Variants in SLIT3 observed in about 807,000 individuals in gnomAD.
SLIT3 encodes the protein slit homolog 3 protein.
A neutral mutation model predicts 184.0 loss-of-function variants in SLIT3; 68 were observed. That is an observed-to-expected ratio of 0.37 (90% CI 0.30 to 0.45). The LOEUF is 0.45. SLIT3 is among the 20% of genes least tolerant of loss of function. The pLI is 1.00. For synonymous variants in SLIT3, 831 were observed against 828.6 expected (o/e 1.00, Z -0.05); for missense variants, 1,707 against 2,026.0 (o/e 0.84, Z 3.02).
At chr5:169,108,294 C>T (rs1760291530) in intron 4 of SLIT3, among the ~76,000 whole-genome samples, 1 of 152,202 alleles carries the variant, frequency 6.6e-6, no homozygotes, top group Non-Finnish European at 1.5e-5. Context: ...AGTCCTGGCC[C>T]TGACATTTGG....
At chr5:168,826,134 G>A (rs539580837) in intron 6 of SLIT3, among the ~76,000 whole-genome samples, 1 of 152,308 alleles carries the variant, frequency 6.6e-6, no homozygotes, top group South Asian at 2.1e-4. Context: ...AACTGCATCC[G>A]GCAGTAGTCC....
chr5:169,064,284 T>C (rs1758274545), intron 4 of SLIT3, among the ~76,000 whole-genome samples: 1 of 152,234 alleles, frequency 6.6e-6, no homozygotes, highest in East Asian at 1.9e-4. Flanking sequence ...TGAAGTATTC[T>C]TGGCTCCGAG....
At chr5:169,246,528 A>G (rs1017188729) in intron 2 of SLIT3, among the ~76,000 whole-genome samples, 7 of 152,234 alleles carry the variant, frequency 4.6e-5, no homozygotes, top group African/African-American at 1.4e-4. Context: ...CTTCATTTGT[A>G]AAACAGAGAA....
intron 25 of SLIT3, among the ~76,000 whole-genome samples, chr5:168,709,106 T>G (rs933402865): frequency 2.0e-5 from 3 of 151,504 alleles, no homozygotes; most frequent in Non-Finnish European, 4.4e-5. Flanking sequence ...TGTTTGTTTT[T>G]TTTTTTTTTT....
At chr5:168,852,920 T>A (rs1758729895) in intron 5 of SLIT3, among the ~76,000 whole-genome samples, 1 of 152,234 alleles carries the variant, frequency 6.6e-6, no homozygotes, top group South Asian at 2.1e-4. Flanking sequence ...CTTAATTTTA[T>A]TTGCTTTAAA....
At chr5:169,125,753 C>T (rs1417666594) in intron 4 of SLIT3, among the ~76,000 whole-genome samples, 1 of 152,218 alleles carries the variant, frequency 6.6e-6, no homozygotes, top group South Asian at 2.1e-4. Context: ...AACGTGACTG[C>T]CATTTGTGCC....
intron 4 of SLIT3, among the ~76,000 whole-genome samples, chr5:169,056,704 G>A (rs1758012020): frequency 6.6e-6 from 1 of 152,188 alleles, no homozygotes; most frequent in Non-Finnish European, 1.5e-5. Context: ...CTGCAGCTGT[G>A]GATTTCATCG....
intron 1 of SLIT3, among the ~76,000 whole-genome samples, chr5:169,274,264 A>G (rs1339283834): frequency 1.3e-5 from 2 of 152,232 alleles, no homozygotes; most frequent in Admixed American, 1.3e-4. Flanking sequence ...AATTGGAAAA[A>G]GGAAGACATC....
chr5:169,191,879 C>T (rs1045274361), intron 4 of SLIT3, among the ~76,000 whole-genome samples: 1 of 152,172 alleles, frequency 6.6e-6, no homozygotes, highest in East Asian at 1.9e-4. Flanking sequence ...TGCTCAGACC[C>T]CACCCACATA....
intron 5 of SLIT3, among the ~76,000 whole-genome samples, chr5:168,865,758 C>T (rs1299292112): frequency 6.6e-6 from 1 of 152,176 alleles, no homozygotes; most frequent in East Asian, 1.9e-4. Context: ...TTATAGTTGA[C>T]AATTGCTATC....
At chr5:168,703,918 C>T (rs745658950) in intron 26 of SLIT3, among the ~76,000 whole-genome samples, 1 of 135,922 alleles carries the variant, frequency 7.4e-6, no homozygotes, top group Admixed American at 8.5e-5. Flanking sequence ...GCACTCCAGC[C>T]TGGCAACGGA....
At chr5:169,141,752 A>AG (rs1761749040) in intron 4 of SLIT3, among the ~76,000 whole-genome samples, 1 of 146,084 alleles carries the variant, frequency 6.8e-6, no homozygotes, top group Non-Finnish European at 1.5e-5. Flanking sequence ...AAAAGAAAAA[A>AG]AAAAAAGTTA....
chr5:168,874,323 C>T (rs1759652872), intron 5 of SLIT3, among the ~76,000 whole-genome samples: 1 of 152,174 alleles, frequency 6.6e-6, no homozygotes, highest in South Asian at 2.1e-4. Context: ...AGGATATCAT[C>T]ATGCCCCTTC....
At chr5:169,132,556 G>A (rs540445569) in intron 4 of SLIT3, among the ~76,000 whole-genome samples, 3 of 152,302 alleles carry the variant, frequency 2.0e-5, no homozygotes, top group African/African-American at 7.2e-5. Context: ...GGGCCAGAGG[G>A]TTTGCAGTTT....
At chr5:168,715,136 C>T (rs772268840) in intron 23 of SLIT3, among the ~76,000 whole-genome samples, 14 of 152,230 alleles carry the variant, frequency 9.2e-5, no homozygotes, top group Non-Finnish European at 2.9e-5. Context: ...TGGAGTCAGA[C>T]TGCCTGGGTG....
intron 5 of SLIT3, among the ~76,000 whole-genome samples, chr5:168,868,095 C>G (rs1256490119): frequency 2.0e-5 from 3 of 152,196 alleles, no homozygotes; most frequent in African/African-American, 4.8e-5. Context: ...AATCCCAAGA[C>G]TACCAAACCA....
chr5:169,241,346 T>C (rs974233087), intron 3 of SLIT3, among the ~76,000 whole-genome samples: 2 of 152,220 alleles, frequency 1.3e-5, no homozygotes, highest in African/African-American at 4.8e-5. Flanking sequence ...TGAGATGGTA[T>C]ATGTAAAGTG....
chr5:169,062,004 G>A (rs1449850176), intron 4 of SLIT3, among the ~76,000 whole-genome samples: 2 of 152,048 alleles, frequency 1.3e-5, no homozygotes, highest in East Asian at 3.9e-4. Context: ...CTAACATGGT[G>A]AAACCCCGTC....
rs142643653 is a variant in SLIT3 at position 168,854,458 on chromosome 5, A to G, written c.486-9803T>C. ...CATTTGACTTTTAGGATCACTGGGAATGGTAACTGATTTTAGCTCCAGTCA... is the reference window on the plus strand; with the variant it reads ...CATTTGACTTTTAGGATCACTGGGAGTGGTAACTGATTTTAGCTCCAGTCA... On this transcript the variant is annotated intron_variant, in intron 5 of 35. Transcript: ENST00000519560. 5.3e-3 allele frequency among the ~76,000 whole-genome samples: 813 copies of G among 152,246 alleles called. 9 individuals carry two copies. The highest frequency in any genetic ancestry group is 0.019 in the African/African-American group (778 of 41,550).
Sources: gnomAD v4.1 joint callset for allele counts (sites outside exome capture counted in the v4.1 genomes callset) on GRCh38, gnomAD v4.1.1 for gene constraint, MANE v1.5 for transcripts, NCBI Gene and HGNC (gene_info 2026-07-23, HGNC 2026-07-21) for gene names.